The following CRPPA variants were observed in gnomAD, a reference collection of about 807,000 sequenced individuals.
The protein encoded by CRPPA is CDP-L-ribitol pyrophosphorylase A, also known as D-ribitol-5-phosphate cytidylyltransferase.
Under a neutral mutation model 52.0 loss-of-function variants are expected in CRPPA, and 43 were observed. The observed-to-expected ratio is 0.83, with a 90% CI of 0.65 to 1.07. The LOEUF is 1.07. Among genes scored for constraint, CRPPA ranks in the 50% least tolerant of loss-of-function variants. The pLI is 0.00. For missense variants in CRPPA, 629 were observed against 551.7 expected (o/e 1.14, Z -1.40); for synonymous variants, 250 against 203.5 (o/e 1.23, Z -1.94).
chr7:16,166,146 C>T (rs1340900478), intron 9 of CRPPA, among the ~76,000 whole-genome samples: 4 of 152,126 alleles, frequency 2.6e-5, no homozygotes, highest in African/African-American at 7.2e-5. Flanking sequence ...TTAATTACAC[C>T]AGTTTAACCT....
At position 16,089,493 on chromosome 7, in the gene CRPPA, A is replaced by G. The variant is rs1201778717; in HGVS notation, c.*2202T>C. On this transcript the variant is annotated 3_prime_UTR_variant, in exon 10 of 10. Coordinates refer to ENST00000407010, the MANE Select transcript of CRPPA (RefSeq NM_001101426.4). Reference sequence around the variant, plus strand: ...TGTACGTACATATATACGGGTATATATGTACGTACATACATAGATATGGGT... The same window carrying G: ...TGTACGTACATATATACGGGTATATGTGTACGTACATACATAGATATGGGT... 2.7e-5 allele frequency: 8 copies of G among 299,532 alleles called. No individual in the cohort carries two copies. Among genetic ancestry groups the G allele is most frequent in the Non-Finnish European group, 5.1e-5 (7 of 137,598 alleles). The allele number at this position is 299,532 out of a possible 1,614,324, so 18.6% of individuals were successfully genotyped here.
intron 3 of CRPPA, among the ~76,000 whole-genome samples, chr7:16,359,798 T>C (rs1786394509): frequency 6.6e-6 from 1 of 152,084 alleles, no homozygotes; most frequent in Non-Finnish European, 1.5e-5. Flanking sequence ...TATTTTATTC[T>C]CCACTTTTAA....
At chr7:16,245,682 C>T (rs994209009) in intron 8 of CRPPA, among the ~76,000 whole-genome samples, 4 of 152,096 alleles carry the variant, frequency 2.6e-5, no homozygotes, top group Admixed American at 6.6e-5. Context: ...AACAAGCATA[C>T]CTCAAAAATA....
At chr7:16,157,614 A>G (rs1783211071) in intron 9 of CRPPA, among the ~76,000 whole-genome samples, 2 of 152,278 alleles carry the variant, frequency 1.3e-5, no homozygotes, top group South Asian at 2.1e-4. Context: ...GGACTATTAT[A>G]TAATTCCATT....
At chr7:16,361,482 T>C (rs1171517224) in intron 3 of CRPPA, among the ~76,000 whole-genome samples, 1 of 152,000 alleles carries the variant, frequency 6.6e-6, no homozygotes, top group African/African-American at 2.4e-5. Context: ...AACAGATGAG[T>C]GGATAAACAA....
intron 2 of CRPPA, among the ~76,000 whole-genome samples, chr7:16,383,828 C>T (rs541744325): frequency 2.0e-5 from 3 of 152,290 alleles, no homozygotes; most frequent in South Asian, 2.1e-4. Flanking sequence ...CCTGGTGTGC[C>T]GTTTTTTAAG....
chr7:16,372,380 TG>T (rs1786771779), intron 3 of CRPPA, among the ~76,000 whole-genome samples: 1 of 152,192 alleles, frequency 6.6e-6, no homozygotes, highest in Admixed American at 6.5e-5. Flanking sequence ...CCAGAGGGAT[TG>T]GGGTCCTATC....
intron 8 of CRPPA, among the ~76,000 whole-genome samples, chr7:16,246,994 C>T (rs958047246): frequency 2.6e-5 from 4 of 152,222 alleles, no homozygotes; most frequent in Non-Finnish European, 5.9e-5. Context: ...AAAGCCCTAC[C>T]TGGCATGTTC....
At chr7:16,307,741 G>A (rs527245559) in intron 4 of CRPPA, among the ~76,000 whole-genome samples, 1 of 147,958 alleles carries the variant, frequency 6.8e-6, no homozygotes, top group Non-Finnish European at 1.5e-5. Context: ...CCTGCCACAG[G>A]AAACAGTCTA....
chr7:16,124,387 A>C (rs1304322703), intron 9 of CRPPA, among the ~76,000 whole-genome samples: 1 of 152,090 alleles, frequency 6.6e-6, no homozygotes. Flanking sequence ...ATGCAATGGG[A>C]TACTATTTAG....
chr7:16,213,409 TTA>T (rs142028391), intron 9 of CRPPA, among the ~76,000 whole-genome samples: 54,557 of 149,930 alleles, frequency 0.36, 10,078 homozygotes, highest in South Asian at 0.54. Flanking sequence ...TTTTGGGGAC[TTA>T]TTTATAATAA....
chr7:16,187,615 A>G (rs769376634), intron 9 of CRPPA, among the ~76,000 whole-genome samples: 9 of 152,254 alleles, frequency 5.9e-5, no homozygotes, highest in Non-Finnish European at 1.3e-4. Context: ...GTATAACACA[A>G]TTATAAATGT....
At chr7:16,270,969 A>T (rs1784077255) in intron 6 of CRPPA, among the ~76,000 whole-genome samples, 1 of 152,120 alleles carries the variant, frequency 6.6e-6, no homozygotes, top group Non-Finnish European at 1.5e-5. Context: ...AAAGGCATGG[A>T]TCCATACACT....
At chr7:16,210,199 A>G (rs1251102848) in intron 9 of CRPPA, among the ~76,000 whole-genome samples, 1 of 152,170 alleles carries the variant, frequency 6.6e-6, no homozygotes, top group Admixed American at 6.5e-5. Context: ...GCTTTTTTAT[A>G]TTTAAACATG....
chr7:16,093,672 C>CA (rs1781882184), intron 9 of CRPPA, among the ~76,000 whole-genome samples: 1 of 152,052 alleles, frequency 6.6e-6, no homozygotes, highest in African/African-American at 2.4e-5. Flanking sequence ...CTAAACAAAT[C>CA]AAAAAACTAT....
chr7:16,273,847 T>C (rs937284731), intron 6 of CRPPA, among the ~76,000 whole-genome samples: 3 of 152,160 alleles, frequency 2.0e-5, no homozygotes, highest in South Asian at 4.2e-4. Context: ...GTTCTATTCC[T>C]GCCATCGCGC....
At chr7:16,261,346 T>G (rs1010401551) in intron 6 of CRPPA, among the ~76,000 whole-genome samples, 2 of 152,128 alleles carry the variant, frequency 1.3e-5, no homozygotes, top group African/African-American at 4.8e-5. Context: ...CAGTATTCAC[T>G]GACTTCCTTC....
intron 9 of CRPPA, among the ~76,000 whole-genome samples, chr7:16,173,758 G>C (rs1781240253): frequency 6.6e-6 from 1 of 152,082 alleles, no homozygotes; most frequent in Non-Finnish European, 1.5e-5. Flanking sequence ...CCTTTTAAAA[G>C]GCATAAGGAA....
rs183425203 is a variant in CRPPA at position 16,409,999 on chromosome 7, T to C, written c.258-3662A>G. The stretch of plus-strand genomic sequence containing the variant: ...CAGTATAACATCTTACAACACAGCA[T>C]AGTCTCAAGGACTGTGAAAACAAAG... On this transcript the variant is annotated intron_variant, in intron 1 of 9. Coordinates refer to ENST00000407010, the MANE Select transcript of CRPPA (RefSeq NM_001101426.4). Among the ~76,000 whole-genome samples the C allele has an allele frequency of 8.1e-3, 1,239 of 152,320 alleles. 8 individuals are homozygous for C. The highest frequency in any genetic ancestry group is 0.011 in the Non-Finnish European group (755 of 68,028).
Sources: allele counts gnomAD v4.1 joint callset (sites outside exome capture counted in the v4.1 genomes callset), GRCh38; gene constraint gnomAD v4.1.1; transcripts MANE v1.5; gene names NCBI Gene and HGNC (gene_info 2026-07-23, HGNC 2026-07-21).